The following EFCAB6 variants were observed in gnomAD, a reference collection of about 807,000 sequenced individuals.
The protein encoded by EFCAB6 is EF-hand calcium binding domain 6, also known as EF-hand calcium-binding domain-containing protein 6.
Under a neutral mutation model 169.8 loss-of-function variants are expected in EFCAB6, and 156 were observed. The ratio of observed to expected loss-of-function variants is 0.92; its 90% confidence interval spans 0.81 to 1.05. The LOEUF (loss-of-function observed/expected upper bound fraction) is 1.05, where lower values mean the gene tolerates loss of function less well. EFCAB6 is among the 50% of genes least tolerant of loss of function. EFCAB6 has a pLI of 0.00. For missense variants in EFCAB6, 1,800 were observed against 1,829.1 expected (o/e 0.98, Z 0.29); for synonymous variants, 698 against 676.4 (o/e 1.03, Z -0.50).
intron 4 of EFCAB6, among the ~76,000 whole-genome samples, chr22:43,769,043 A>G (rs2061396634): frequency 6.6e-6 from 1 of 152,232 alleles, no homozygotes; most frequent in Non-Finnish European, 1.5e-5. Flanking sequence ...AACCTTTCAC[A>G]TGAATGTTCA....
chr22:43,719,192 G>A (rs944916533), intron 8 of EFCAB6, among the ~76,000 whole-genome samples: 3 of 152,180 alleles, frequency 2.0e-5, no homozygotes, highest in Admixed American at 6.5e-5. Flanking sequence ...ACTCGGTACG[G>A]TGTATTCAGT....
At chr22:43,598,325 A>AAACAAC (rs1366375384) in intron 23 of EFCAB6, among the ~76,000 whole-genome samples, 1 of 149,530 alleles carries the variant, frequency 6.7e-6, no homozygotes, top group East Asian at 2.0e-4. Flanking sequence ...AAAAAAAAAA[A>AAACAAC]AAAAAAAAAA....
rs556163058 is a variant in EFCAB6 at position 43,595,706 on chromosome 22, CA to C, written c.2876+4362del. 1.9e-3 allele frequency among the ~76,000 whole-genome samples: 287 copies of C among 152,030 alleles called. 2 individuals carry two copies. In the Middle Eastern group the frequency reaches 0.02, roughly 11 times the overall value. ...AATACCAACTCTACCCAAACTTTTT[CA>C]AAAAAATTGAAGAGTAGGGAATACT... On this transcript the variant is annotated intron_variant, in intron 23 of 31. Coordinates refer to ENST00000262726, the MANE Select transcript of EFCAB6 (RefSeq NM_022785.4).
chr22:43,682,715 C>G (rs146246481), intron 12 of EFCAB6, among the ~76,000 whole-genome samples: 5 of 152,320 alleles, frequency 3.3e-5, no homozygotes, highest in Non-Finnish European at 7.4e-5. Context: ...TCATGTTTGC[C>G]TCACCAAGGT....
chr22:43,765,345 T>C lies in EFCAB6; in HGVS notation c.400A>G (p.Arg134Gly), dbSNP rs1444260103. 8 of 1,612,682 alleles carry C rather than the reference T, an allele frequency of 5.0e-6. No individual in the cohort carries two copies. The highest frequency in any genetic ancestry group is 4.5e-5 in the East Asian group (2 of 44,786). Residue 134 changes from arginine to glycine, a missense_variant, in exon 5 of 32, where the codon AGG (arginine) becomes GGG (glycine). Arg to Gly is a moderately radical substitution (Grantham distance 125). Transcript: ENST00000262726. ...ATATATAGGTCAATTCCACCAAACC[T>C]GGACAGAAAGGCAAGGTACGGTACA... ...GTVPYLAFLS[R>G]FGGIDLYING...
chr22:43,722,989 TG>T (rs1435663921), intron 8 of EFCAB6, among the ~76,000 whole-genome samples: 2 of 152,176 alleles, frequency 1.3e-5, no homozygotes, highest in Admixed American at 6.5e-5. Flanking sequence ...CTCTTATAAG[TG>T]GGAGGTAAAC....
intron 25 of EFCAB6, among the ~76,000 whole-genome samples, chr22:43,580,237 C>G (rs1455898123): frequency 6.6e-6 from 1 of 152,166 alleles, no homozygotes; most frequent in Non-Finnish European, 1.5e-5. Flanking sequence ...GCCCCATGTC[C>G]TCACCCCAGA....
rs927122405 is a variant in EFCAB6 at position 43,812,248 on chromosome 22, C to A, written c.-225G>T. 2.0e-5 allele frequency: 3 copies of A among 152,314 alleles called. No individual in the cohort carries two copies. The highest frequency in any genetic ancestry group is 2.9e-5 in the Non-Finnish European group (2 of 68,088). 9.4% of individuals were successfully genotyped at this position (152,314 alleles called of 1,614,324 possible). A position where few individuals can be genotyped will look rare whatever the true frequency, so the allele number is the denominator to read the frequency against. ...CCCAAGCCGCGGGGTCTCAGAGGGG[C>A]TGCCCATTCGGCGTCTCTAGGACGC... On this transcript the variant is annotated 5_prime_UTR_variant, in exon 1 of 32. Coordinates refer to ENST00000262726, the MANE Select transcript of EFCAB6 (RefSeq NM_022785.4).
chr22:43,575,273 C>T (rs528387277), intron 26 of EFCAB6, among the ~76,000 whole-genome samples: 4 of 152,022 alleles, frequency 2.6e-5, no homozygotes, highest in Non-Finnish European at 5.9e-5. Flanking sequence ...TCACTGCAAC[C>T]TCCGCCTCCT....
At chr22:43,657,169 C>G (rs2056789833) in intron 17 of EFCAB6, among the ~76,000 whole-genome samples, 2 of 152,046 alleles carry the variant, frequency 1.3e-5, no homozygotes, top group African/African-American at 4.8e-5. Context: ...GTGGTATGCA[C>G]CTGTAGTCCC....
intron 26 of EFCAB6, among the ~76,000 whole-genome samples, chr22:43,564,950 G>T (rs2049328965): frequency 6.6e-6 from 1 of 152,184 alleles, no homozygotes; most frequent in Non-Finnish European, 1.5e-5. Context: ...TTGCTTTCTT[G>T]GGGTCTGTCA....
chr22:43,563,460 G>C (rs2049205624), intron 26 of EFCAB6, among the ~76,000 whole-genome samples: 1 of 152,192 alleles, frequency 6.6e-6, no homozygotes, highest in Admixed American at 6.5e-5. Context: ...AGCTACTTGG[G>C]AGGCTGAGGT....
intron 3 of EFCAB6, among the ~76,000 whole-genome samples, chr22:43,781,851 T>C (rs374004237): frequency 4.6e-5 from 7 of 152,278 alleles, no homozygotes; most frequent in Admixed American, 6.5e-5. Context: ...AGTCAATTTT[T>C]CTGTACACCT....
intron 23 of EFCAB6, among the ~76,000 whole-genome samples, chr22:43,597,153 A>T (rs2052077410): frequency 1.3e-5 from 2 of 152,250 alleles, no homozygotes; most frequent in Non-Finnish European, 2.9e-5. Context: ...AACTACTAGA[A>T]TAAAACATTG....
chr22:43,743,347 C>T (rs577418295), intron 6 of EFCAB6, among the ~76,000 whole-genome samples: 230 of 152,258 alleles, frequency 1.5e-3, no homozygotes, highest in African/African-American at 5.4e-3. Context: ...TGTATCAAAT[C>T]GCCTCTTTGC....
intron 1 of EFCAB6, among the ~76,000 whole-genome samples, chr22:43,809,912 G>GT: frequency 6.6e-6 from 1 of 151,486 alleles, no homozygotes; most frequent in Middle Eastern, 3.4e-3. Context: ...AGCCTGTTTT[G>GT]TTTTTTGAGA....
intron 6 of EFCAB6, among the ~76,000 whole-genome samples, chr22:43,755,514 C>T (rs978960578): frequency 6.6e-6 from 1 of 152,068 alleles, no homozygotes; most frequent in African/African-American, 2.4e-5. Context: ...AAAGTTAATA[C>T]AAAAGTAATT....
chr22:43,601,682 C>A (rs796584485), intron 22 of EFCAB6, among the ~76,000 whole-genome samples: 15 of 152,324 alleles, frequency 9.8e-5, no homozygotes, highest in African/African-American at 3.6e-4. Flanking sequence ...TTCTTATTGA[C>A]CACGTTCTTG....
At chr22:43,672,943 C>T (rs1341242052) in intron 13 of EFCAB6, among the ~76,000 whole-genome samples, 1 of 151,942 alleles carries the variant, frequency 6.6e-6, no homozygotes, top group Non-Finnish European at 1.5e-5. Context: ...ACAAAAAAAC[C>T]CATCACCTAG....
Sources: allele counts gnomAD v4.1 joint callset (sites outside exome capture counted in the v4.1 genomes callset), GRCh38; gene constraint gnomAD v4.1.1; transcripts MANE v1.5; gene names NCBI Gene and HGNC (gene_info 2026-07-23, HGNC 2026-07-21).